PHYH: variants seen among roughly 807,000 people sequenced by gnomAD.
The protein encoded by PHYH is phytanoyl-CoA 2-hydroxylase.
A neutral mutation model predicts 38.5 loss-of-function variants in PHYH; 32 were observed. The ratio of observed to expected loss-of-function variants is 0.83; its 90% confidence interval spans 0.63 to 1.12. PHYH has a LOEUF of 1.12. PHYH is among the 50% of genes most tolerant of loss of function. The pLI is 0.00. For missense variants in PHYH, 426 were observed against 434.8 expected (o/e 0.98, Z 0.18); for synonymous variants, 166 against 157.9 (o/e 1.05, Z -0.38).
Position 13,281,261 on chromosome 10 carries a change from C to A in PHYH, c.829-151G>T, listed in dbSNP as rs553385186. On this transcript the variant is annotated intron_variant, in intron 7 of 8. Transcript: ENST00000263038. ...GGTCCATTGCATCCTGTGTCAATCTCTTTGTAACTAAGCCTGTTTTTGTTT... is the reference window on the plus strand; with the variant it reads ...GGTCCATTGCATCCTGTGTCAATCTATTTGTAACTAAGCCTGTTTTTGTTT... 1,120 of 764,058 alleles carry A rather than the reference C, an allele frequency of 1.5e-3. 5 individuals are homozygous for A. The highest frequency in any genetic ancestry group is 2.1e-3 in the Non-Finnish European group (939 of 449,760). The allele number at this position is 764,058 out of a possible 1,614,324, so 47.3% of individuals were successfully genotyped here.
At chr10:13,299,677 G>T (rs950124508) in intron 1 of PHYH, 6 of 1,233,980 alleles carry the variant, frequency 4.9e-6, no homozygotes, top group Non-Finnish European at 6.1e-6. Context: ...CCGGTGAAAC[G>T]ACGTCTCCAC....
At chr10:13,295,464 C>CAATAG in intron 3 of PHYH, 32 bp downstream of exon 3, 1 of 1,017,260 alleles carries the variant, frequency 9.8e-7, no homozygotes, top group Non-Finnish European at 1.6e-6. Context: ...ACAATACATA[C>CAATAG]TATTGTAAAA....
Position 13,283,813 on chromosome 10 carries a change from C to G in PHYH, c.705G>C (p.Gly235=), listed in dbSNP as rs1835477470. ...CCTTGTTTTCCTCGTAGTCCTGGAT[C>G]CCGTGGAACATTTTGTTAACTCCCC... ...WEGGVNKMFH[G]IQDYEENKAR... The change falls in exon 7 of 9, where the codon GGG becomes GGC. Residue 235 remains glycine, a synonymous_variant. Transcript: ENST00000263038. 6.2e-7 allele frequency: 1 copy of G among 1,613,968 alleles called. No homozygotes were observed. Among genetic ancestry groups the G allele is most frequent in the Non-Finnish European group, 8.5e-7 (1 of 1,179,902 alleles).
At chr10:13,298,424 G>C (rs928177154) in intron 1 of PHYH, among the ~76,000 whole-genome samples, 179 bp from the exon 2 acceptor site, 3 of 151,894 alleles carry the variant, frequency 2.0e-5, no homozygotes, top group African/African-American at 4.8e-5. Flanking sequence ...AATTAGGCCG[G>C]GGGCGGTGGC....
At position 13,289,938 on chromosome 10, in the gene PHYH, C is replaced by CA. The variant is rs151163708; in HGVS notation, c.497-1398dup. Among the ~76,000 whole-genome samples the CA allele has an allele frequency of 6.7e-3, 577 of 85,844 alleles. 6 individuals carry two copies. The highest frequency in any genetic ancestry group is 0.042 in the Middle Eastern group (6 of 144). 56.3% of individuals were successfully genotyped at this position (85,844 alleles called of 152,430 possible). A position where few individuals can be genotyped will look rare whatever the true frequency, so the allele number is the denominator to read the frequency against. ...TAGGCGACAGAGTGAGACTCTGTCTCAAAAAAAAAAAAAAAAGAAAAGAAA... is the reference window on the plus strand; with the variant it reads ...TAGGCGACAGAGTGAGACTCTGTCTCAAAAAAAAAAAAAAAAAGAAAAGAAA... On this transcript the variant is annotated intron_variant, in intron 5 of 8. Coordinates refer to ENST00000263038, the MANE Select transcript of PHYH (RefSeq NM_006214.4).
intron 1 of PHYH, among the ~76,000 whole-genome samples, chr10:13,298,718 C>CACCACTACTACTACTACTACTACT (rs1554785618): frequency 3.2e-5 from 3 of 93,440 alleles, no homozygotes; most frequent in Admixed American, 1.4e-4. Flanking sequence ...AAACTACCAC[C>CACCACTACTACTACTACTACTACT]ACTACTACTA....
chr10:13,297,446 ATTTGT>A lies in PHYH; in HGVS notation c.134+736_134+740del, dbSNP rs771365374. On this transcript the variant is annotated intron_variant, in intron 2 of 8. Transcript: ENST00000263038. ...TGTCCATATAACCAAATACAAGCTA[ATTTGT>A]TTTGTTTTGTTTTGTTTTTTGAGAT... Among the ~76,000 whole-genome samples the A allele has an allele frequency of 2.0e-4, 31 of 152,102 alleles. 1 individual carries two copies. The highest frequency in any genetic ancestry group is 3.4e-3 in the Middle Eastern group (1 of 294).
chr10:13,287,792 G>A (rs1159140102), intron 6 of PHYH, among the ~76,000 whole-genome samples: 1 of 152,168 alleles, frequency 6.6e-6, no homozygotes, highest in East Asian at 1.9e-4. Flanking sequence ...CACATCTGGG[G>A]TCGAAGGGTT....
At chr10:13,290,854 T>C (rs1438916594) in intron 5 of PHYH, among the ~76,000 whole-genome samples, 1 of 152,164 alleles carries the variant, frequency 6.6e-6, no homozygotes, top group African/African-American at 2.4e-5. Flanking sequence ...CCCAGCACTT[T>C]GGGAGGCCAA....
At chr10:13,281,885 C>T (rs931381862) in intron 7 of PHYH, among the ~76,000 whole-genome samples, 3 of 152,138 alleles carry the variant, frequency 2.0e-5, no homozygotes, top group African/African-American at 7.2e-5. Flanking sequence ...GAGCCCAAGG[C>T]AAAGGGAAAA....
chr10:13,290,142 A>G (rs1318970907), intron 5 of PHYH, among the ~76,000 whole-genome samples: 1 of 141,508 alleles, frequency 7.1e-6, no homozygotes, highest in Non-Finnish European at 1.5e-5. Context: ...AAAAAAAAAA[A>G]AAATTAGCTG....
chr10:13,282,633 T>C (rs1014896643), intron 7 of PHYH, among the ~76,000 whole-genome samples: 7 of 150,182 alleles, frequency 4.7e-5, no homozygotes, highest in Middle Eastern at 3.2e-3. Context: ...GCCAAGTCTA[T>C]ATATTAAAAC....
chr10:13,280,804 A>C (rs1395981253), intron 8 of PHYH, among the ~76,000 whole-genome samples, 172 bp downstream of exon 8: 1 of 152,212 alleles, frequency 6.6e-6, no homozygotes, highest in Non-Finnish European at 1.5e-5. Context: ...ACGGGGGCAC[A>C]AGTGTAAATG....
At chr10:13,289,713 C>G (rs1179251462) in intron 5 of PHYH, among the ~76,000 whole-genome samples, 2 of 151,922 alleles carry the variant, frequency 1.3e-5, no homozygotes, top group East Asian at 3.9e-4. Flanking sequence ...AGGCAGCTCT[C>G]TTGAGGTCAG....
At chr10:13,298,374 C>T in intron 1 of PHYH, 129 bp from the exon 2 acceptor site, 2 of 640,586 alleles carry the variant, frequency 3.1e-6, no homozygotes, top group South Asian at 1.5e-5. Flanking sequence ...CGAGACCAGC[C>T]TGGCCAACAT....
At chr10:13,288,922 CAAAAA>C (rs36019637) in intron 5 of PHYH, among the ~76,000 whole-genome samples, 1 of 40,898 alleles carries the variant, frequency 2.4e-5, no homozygotes, top group African/African-American at 1.1e-4. Context: ...CACCCCCAAC[CAAAAA>C]AAAAAAAAAA....
At position 13,278,272 on chromosome 10, in the gene PHYH, TGTTGAAAGAGTTATAGCA is replaced by T; in HGVS notation, c.*11_*28del. 6.5e-7 allele frequency: 1 copy of T among 1,542,772 alleles called. No homozygotes were observed. Among genetic ancestry groups the T allele is most frequent in the African/African-American group, 1.4e-5 (1 of 73,690 alleles). On this transcript the variant is annotated 3_prime_UTR_variant, in exon 9 of 9. Transcript: ENST00000263038. ...GACATTTCGTTTGGTTTTGGTTTTC[TGTTGAAAGAGTTATAGCA>T]GATGGCTATTTCAAAGATTGGTTCT...
intron 7 of PHYH, among the ~76,000 whole-genome samples, chr10:13,282,225 T>C (rs746949488): frequency 2.6e-5 from 4 of 152,212 alleles, no homozygotes; most frequent in Non-Finnish European, 5.9e-5. Context: ...CACTCCAGCC[T>C]GGGCAAAAGA....
intron 4 of PHYH, among the ~76,000 whole-genome samples, chr10:13,292,587 G>T (rs906736612): frequency 6.6e-6 from 1 of 152,278 alleles, no homozygotes; most frequent in African/African-American, 2.4e-5. Flanking sequence ...GAGCTGGGCT[G>T]CCGCTACCTT....
Sources: gnomAD v4.1 joint callset for allele counts (sites outside exome capture counted in the v4.1 genomes callset) on GRCh38, gnomAD v4.1.1 for gene constraint, MANE v1.5 for transcripts, NCBI Gene and HGNC (gene_info 2026-07-23, HGNC 2026-07-21) for gene names.